KCNIP1: variants seen among roughly 807,000 people sequenced by gnomAD.
The protein encoded by KCNIP1 is potassium voltage-gated channel interacting protein 1.
KCNIP1 carries 18 observed loss-of-function variants against 33.0 expected under a neutral mutation model. The ratio of observed to expected loss-of-function variants is 0.55; its 90% confidence interval spans 0.38 to 0.81. The LOEUF is 0.81. Among genes scored for constraint, KCNIP1 ranks in the 30% least tolerant of loss-of-function variants. The pLI, the probability that KCNIP1 is intolerant of heterozygous loss-of-function variation, is 0.00. For missense variants in KCNIP1, 238 were observed against 271.6 expected (o/e 0.88, Z 0.87); for synonymous variants, 93 against 98.3 (o/e 0.95, Z 0.32).
At chr5:170,358,457 C>G (rs1206065870) in intron 1 of KCNIP1, among the ~76,000 whole-genome samples, 3 of 152,190 alleles carry the variant, frequency 2.0e-5, no homozygotes, top group Non-Finnish European at 4.4e-5. Flanking sequence ...AAGAGACTGA[C>G]CTTGGACCCG....
intron 1 of KCNIP1, among the ~76,000 whole-genome samples, chr5:170,488,464 G>A (rs892696935): frequency 1.3e-5 from 2 of 152,196 alleles, no homozygotes; most frequent in Non-Finnish European, 2.9e-5. Flanking sequence ...TCTCTATGAA[G>A]CAGTGAAAAA....
At position 170,504,093 on chromosome 5, in the gene KCNIP1, C is replaced by T. The variant is rs568895553; in HGVS notation, c.-480C>T. Reference sequence around the variant, plus strand: ...CGCTGTGGCTCCGCGCCGCGCGGTCCGGGCTCTGTTCATTCATGATTGGTA... The same window carrying T: ...CGCTGTGGCTCCGCGCCGCGCGGTCTGGGCTCTGTTCATTCATGATTGGTA... On this transcript the variant is annotated 5_prime_UTR_variant, in exon 1 of 8. Coordinates refer to ENST00000328939, the MANE Select transcript of KCNIP1 (RefSeq NM_014592.4). This position sits in a 1 kb window ranked among gnomAD's most constrained non-coding sequence, Gnocchi z 6.0. 1.2e-3 allele frequency: 1,202 copies of T among 986,178 alleles called. 12 individuals are homozygous for T. The African/African-American group carries it at 0.019, about 15-fold the overall frequency. The allele number at this position is 986,178 out of a possible 1,614,324, so 61.1% of individuals were successfully genotyped here. A position where few individuals can be genotyped will look rare whatever the true frequency, so the allele number is the denominator to read the frequency against.
chr5:170,636,028 G>A (rs1328452226), intron 1 of KCNIP1, among the ~76,000 whole-genome samples: 5 of 152,230 alleles, frequency 3.3e-5, no homozygotes, highest in East Asian at 1.9e-4. Flanking sequence ...ATGTGACTCC[G>A]ATGTGACATT....
chr5:170,477,176 T>G (rs949306898), intron 1 of KCNIP1, among the ~76,000 whole-genome samples: 2 of 152,096 alleles, frequency 1.3e-5, no homozygotes, highest in African/African-American at 4.8e-5. Flanking sequence ...TTTCTTGGGC[T>G]GAGAAATGAA....
rs943123477 is a variant in KCNIP1, at chr5:170,596,667, G to A, written c.61+92034G>A. ...CGGCCATCTGTGAACAGACACTGCT[G>A]GATAATGATCTCAAAGCTCTCATCC... is the stretch of plus-strand genomic sequence containing the variant. On this transcript the variant is annotated intron_variant, in intron 1 of 7. Transcript: ENST00000328939. Among the ~76,000 whole-genome samples, 5 of 152,340 alleles carry A rather than the reference G, an allele frequency of 3.3e-5. No homozygotes were observed. The East Asian group carries it at 9.6e-4, about 29-fold the overall frequency.
At chr5:170,555,522 G>T (rs575994777) in intron 1 of KCNIP1, among the ~76,000 whole-genome samples, 1 of 152,156 alleles carries the variant, frequency 6.6e-6, no homozygotes, top group African/African-American at 2.4e-5. Flanking sequence ...TCAGAATTCC[G>T]ACCAAGAGCT....
intron 1 of KCNIP1, among the ~76,000 whole-genome samples, chr5:170,589,794 T>TGTGGTGCGATGCGGTGCG (rs1554103003): frequency 1.8e-5 from 2 of 113,166 alleles, no homozygotes; most frequent in African/African-American, 6.0e-5. Flanking sequence ...TGTGATGTGG[T>TGTGGTGCGATGCGGTGCG]GTGCGGTGCG....
chr5:170,525,970 C>T (rs1358760700), intron 1 of KCNIP1, among the ~76,000 whole-genome samples: 1 of 152,234 alleles, frequency 6.6e-6, no homozygotes, highest in Non-Finnish European at 1.5e-5. Context: ...ACCAACCAGG[C>T]TGCTGTCCTG....
chr5:170,717,094 T>C (rs1021735775), intron 1 of KCNIP1, among the ~76,000 whole-genome samples: 3 of 152,210 alleles, frequency 2.0e-5, no homozygotes, highest in Non-Finnish European at 4.4e-5. Flanking sequence ...TATGCACAGA[T>C]AAACAGATGT....
At chr5:170,409,096 A>G (rs1439092264) in intron 1 of KCNIP1, among the ~76,000 whole-genome samples, 2 of 152,158 alleles carry the variant, frequency 1.3e-5, no homozygotes, top group Non-Finnish European at 2.9e-5. Context: ...GTTCATCTCC[A>G]GACTCAGCCT....
chr5:170,687,477 G>A (rs1488852993), intron 1 of KCNIP1, among the ~76,000 whole-genome samples: 6 of 152,178 alleles, frequency 3.9e-5, no homozygotes, highest in Admixed American at 3.9e-4. Context: ...GTGAGCCACC[G>A]TGCCTGGCCA....
intron 5 of KCNIP1, among the ~76,000 whole-genome samples, chr5:170,724,362 C>A (rs73321372): frequency 6.6e-6 from 1 of 152,034 alleles, no homozygotes; most frequent in Non-Finnish European, 1.5e-5. Context: ...CTCGTGAGCA[C>A]AGATAAAAAA....
chr5:170,502,626 G>A (rs191124424), upstream of KCNIP1, among the ~76,000 whole-genome samples: 239 of 152,318 alleles, frequency 1.6e-3, 2 homozygotes, highest in Non-Finnish European at 4.7e-4. Context: ...TGTCTGTGCG[G>A]ACTTAAGGAC....
intron 1 of KCNIP1, among the ~76,000 whole-genome samples, chr5:170,561,366 G>A (rs1450408521): frequency 6.6e-6 from 1 of 152,182 alleles, no homozygotes; most frequent in Non-Finnish European, 1.5e-5. Flanking sequence ...AGGGTCCAAA[G>A]AGGCTAAAGT....
intron 1 of KCNIP1, among the ~76,000 whole-genome samples, chr5:170,638,957 G>A (rs1015495188): frequency 3.3e-5 from 5 of 152,210 alleles, no homozygotes; most frequent in Non-Finnish European, 5.9e-5. Flanking sequence ...CTCCACCCTA[G>A]GAGCCCCAAT....
intron 1 of KCNIP1, among the ~76,000 whole-genome samples, chr5:170,624,580 T>C (rs184221097): frequency 2.6e-5 from 4 of 152,010 alleles, no homozygotes; most frequent in East Asian, 1.9e-4. Flanking sequence ...TTTTCAAGCA[T>C]TGGAAAGTCC....
rs565515039 is a variant in KCNIP1 at position 170,713,848 on chromosome 5, C to A, written c.62-4910C>A. Among the ~76,000 whole-genome samples, 14 of 151,986 alleles carry A rather than the reference C, an allele frequency of 9.2e-5. No individual in the cohort carries two copies. In the East Asian group the frequency reaches 2.5e-3, roughly 27 times the overall value. ...ACCAGCCTGGCTAACGTGGTGAAAA[C>A]CCGTTTCTACTAAAAATAAAAAAAA... is the stretch of plus-strand genomic sequence containing the variant. On this transcript the variant is annotated intron_variant, in intron 1 of 7. Coordinates refer to ENST00000328939, the MANE Select transcript of KCNIP1 (RefSeq NM_014592.4).
intron 1 of KCNIP1, among the ~76,000 whole-genome samples, chr5:170,461,396 C>A (rs944494439): frequency 2.6e-5 from 4 of 152,132 alleles, no homozygotes; most frequent in African/African-American, 9.7e-5. Flanking sequence ...CATCACATTA[C>A]CTGATTTCAA....
intron 1 of KCNIP1, chr5:170,486,208 G>T (rs1181089903): frequency 6.6e-6 from 1 of 152,210 alleles, no homozygotes; most frequent in Non-Finnish European, 1.5e-5. Context: ...AACACAGCCG[G>T]AGGTGGGGAC....
Sources: allele counts gnomAD v4.1 joint callset (sites outside exome capture counted in the v4.1 genomes callset), GRCh38; gene constraint gnomAD v4.1.1; non-coding constraint Gnocchi (gnomAD v3.1); transcripts MANE v1.5; gene names NCBI Gene and HGNC (gene_info 2026-07-23, HGNC 2026-07-21).